The following STK32A variants were observed in gnomAD, a reference collection of about 807,000 sequenced individuals.
STK32A encodes the protein serine/threonine-protein kinase 32A.
A neutral mutation model predicts 53.2 loss-of-function variants in STK32A; 41 were observed. That is an observed-to-expected ratio of 0.77 (90% CI 0.60 to 1.00). The LOEUF (loss-of-function observed/expected upper bound fraction) is 1.00. Ranked by LOEUF, STK32A falls within the 50% of genes least tolerant of loss-of-function variation. The pLI is 0.00. For missense variants in STK32A, 458 were observed against 485.8 expected (o/e 0.94, Z 0.54); for synonymous variants, 166 against 162.8 (o/e 1.02, Z -0.15).
At chr5:147,351,840 C>A (rs909703850) in intron 7 of STK32A, among the ~76,000 whole-genome samples, 1 of 151,890 alleles carries the variant, frequency 6.6e-6, no homozygotes, top group Non-Finnish European at 1.5e-5. Flanking sequence ...AGCGAGATTT[C>A]GTCTCAAAAC....
At chr5:147,362,410 G>A (rs1305398783) in intron 8 of STK32A, among the ~76,000 whole-genome samples, 4 of 152,190 alleles carry the variant, frequency 2.6e-5, no homozygotes, top group Admixed American at 6.5e-5. Context: ...ATGGCAGAGA[G>A]AGATCTTTGT....
chr5:147,342,889 T>C (rs1367393952), intron 5 of STK32A, 117 bp from the exon 6 acceptor site: 1 of 805,468 alleles, frequency 1.2e-6, no homozygotes, highest in Non-Finnish European at 2.0e-6. Flanking sequence ...AGATGAGTAT[T>C]GAGAAGCTAG....
chr5:147,370,101 A>G (rs1756941854), intron 8 of STK32A, among the ~76,000 whole-genome samples: 1 of 152,088 alleles, frequency 6.6e-6, no homozygotes, highest in African/African-American at 2.4e-5. Context: ...CCTCATCACA[A>G]AATTCTCCAC....
rs183791855 is a variant in STK32A at position 147,254,835 on chromosome 5, G to A, written c.52+15149G>A. 4.2e-3 allele frequency among the ~76,000 whole-genome samples: 645 copies of A among 152,256 alleles called. 4 individuals carry two copies. Among genetic ancestry groups the A allele is most frequent in the Middle Eastern group, 0.014 (4 of 294 alleles). Reference sequence around the variant, plus strand: ...ATCAAAAAGGTTGCTTTATGAGGAAGTTACGTTTAAAAGTAGAAGGCAGGC... The same window carrying A: ...ATCAAAAAGGTTGCTTTATGAGGAAATTACGTTTAAAAGTAGAAGGCAGGC... On this transcript the variant is annotated intron_variant, in intron 2 of 12. Transcript: ENST00000397936.
At chr5:147,293,883 A>G (rs1752728772) in intron 4 of STK32A, among the ~76,000 whole-genome samples, 1 of 149,720 alleles carries the variant, frequency 6.7e-6, no homozygotes, top group Non-Finnish European at 1.5e-5. Context: ...AATACTATAT[A>G]AAATTCTTAT....
rs139824841 is a variant in STK32A, at chr5:147,305,469, T to A, written c.261-18429T>A. 3.3e-4 allele frequency among the ~76,000 whole-genome samples: 50 copies of A among 152,232 alleles called. No homozygotes were observed. The East Asian group carries it at 8.7e-3, about 27-fold the overall frequency. On this transcript the variant is annotated intron_variant, in intron 4 of 12. Transcript: ENST00000397936. ...GGACCAGCAGTCCGGTTTTTCAGCC[T>A]TCAGGCTGTTTTAGACTTGGAGGCT...
At chr5:147,332,574 G>A (rs903937177) in intron 5 of STK32A, among the ~76,000 whole-genome samples, 1 of 152,094 alleles carries the variant, frequency 6.6e-6, no homozygotes, top group Admixed American at 6.6e-5. Flanking sequence ...TGGAATAATA[G>A]ACTTTGGTTT....
intron 7 of STK32A, among the ~76,000 whole-genome samples, chr5:147,354,895 T>C (rs1406545377): frequency 6.6e-6 from 1 of 152,240 alleles, no homozygotes; most frequent in Non-Finnish European, 1.5e-5. Context: ...AAATGTTTCT[T>C]GCCTTATTCC....
chr5:147,397,195 C>T, the STK32A span, among the ~76,000 whole-genome samples: 67,493 of 149,962 alleles, frequency 0.45, 15,943 homozygotes, highest in African/African-American at 0.56. Context: ...TATATACACA[C>T]ATATCTCTGT....
chr5:147,392,972 C>G, the STK32A span: 1 of 152,208 alleles, frequency 6.6e-6, no homozygotes, highest in Admixed American at 6.5e-5. Flanking sequence ...TCAAAAACTC[C>G]TATTTATCAT....
chr5:147,383,627 C>A (rs1167042030), intron 12 of STK32A, 122 bp downstream of exon 12: 6 of 915,252 alleles, frequency 6.6e-6, no homozygotes, highest in Non-Finnish European at 9.8e-6. Context: ...GAAAATGATG[C>A]AATCTATTAT....
chr5:147,345,965 G>A (rs1185780248), intron 6 of STK32A, among the ~76,000 whole-genome samples: 6 of 152,172 alleles, frequency 3.9e-5, no homozygotes, highest in Non-Finnish European at 8.8e-5. Context: ...AAAAGACTGA[G>A]AGCCATTTTC....
chr5:147,323,726 A>G (rs1754432950), intron 4 of STK32A, among the ~76,000 whole-genome samples, 172 bp from the exon 5 acceptor site: 1 of 152,228 alleles, frequency 6.6e-6, no homozygotes, highest in Non-Finnish European at 1.5e-5. Flanking sequence ...CATGTGACCC[A>G]TGAGGAAACT....
At position 147,386,295 on chromosome 5, in the gene STK32A, G is replaced by T. The variant is rs1024647381; in HGVS notation, c.*2312G>T. The T allele has an allele frequency of 2.0e-5, 3 of 152,204 alleles. No homozygotes were observed. The highest frequency in any genetic ancestry group is 6.5e-5 in the Admixed American group (1 of 15,288). 9.4% of individuals were successfully genotyped at this position (152,204 alleles called of 1,614,324 possible). ...AAGAATAAGAAAGTGACCAGATTCT[G>T]CTGCAGTCTGGTAACCCCACGAGTG... is the stretch of plus-strand genomic sequence containing the variant. On this transcript the variant is annotated 3_prime_UTR_variant, in exon 13 of 13. Coordinates refer to ENST00000397936, the MANE Select transcript of STK32A (RefSeq NM_001112724.2).
At chr5:147,290,808 G>A (rs1752565289) in intron 4 of STK32A, among the ~76,000 whole-genome samples, 2 of 152,096 alleles carry the variant, frequency 1.3e-5, no homozygotes. Flanking sequence ...GAGTTTGCTG[G>A]AGCCCAGAGC....
At chr5:147,316,563 A>G (rs1753998377) in intron 4 of STK32A, among the ~76,000 whole-genome samples, 2 of 152,196 alleles carry the variant, frequency 1.3e-5, no homozygotes, top group African/African-American at 2.4e-5. Context: ...TCATTATAAT[A>G]TATTTTTAAG....
In STK32A at chr5:147,385,444, A is replaced by ATT. The variant is rs749278498; in HGVS notation, c.*1462_*1463dup. 14 of 152,154 alleles carry ATT rather than the reference A, an allele frequency of 9.2e-5. No homozygotes were observed. Among genetic ancestry groups the ATT allele is most frequent in the Non-Finnish European group, 1.8e-4 (12 of 68,040 alleles). 9.4% of individuals were successfully genotyped at this position (152,154 alleles called of 1,614,324 possible). A position where few individuals can be genotyped will look rare whatever the true frequency, so the allele number is the denominator to read the frequency against. On this transcript the variant is annotated 3_prime_UTR_variant, in exon 13 of 13. Transcript: ENST00000397936. ...GTGAGCCACCAAACCTGGCCTTAGA[A>ATT]TTACTCTTAGAACAGTGGAATGCCC...
intron 11 of STK32A, among the ~76,000 whole-genome samples, chr5:147,378,528 A>G (rs769583319): frequency 1.3e-5 from 2 of 152,222 alleles, no homozygotes. Flanking sequence ...ACACCATATC[A>G]GTATCATATT....
At chr5:147,253,409 G>A (rs773549420) in intron 2 of STK32A, among the ~76,000 whole-genome samples, 51 of 152,186 alleles carry the variant, frequency 3.4e-4, no homozygotes, top group Non-Finnish European at 6.5e-4. Context: ...TTAATTTTCA[G>A]TATGAATATT....
Sources: allele counts gnomAD v4.1 joint callset (sites outside exome capture counted in the v4.1 genomes callset), GRCh38; gene constraint gnomAD v4.1.1; transcripts MANE v1.5; gene names NCBI Gene and HGNC (gene_info 2026-07-23, HGNC 2026-07-21).